The following DPP8 variants were observed in gnomAD, a reference collection of about 807,000 sequenced individuals.
DPP8 encodes dipeptidyl peptidase 8.
DPP8 carries 31 observed loss-of-function variants against 107.5 expected under a neutral mutation model. The observed-to-expected ratio is 0.29, with a 90% confidence interval of 0.22 to 0.39. The LOEUF is 0.39. Among genes scored for constraint, DPP8 ranks in the 10% least tolerant of loss-of-function variants. The pLI is 1.00. For missense variants in DPP8, 842 were observed against 1,076.1 expected (o/e 0.78, Z 3.04); for synonymous variants, 381 against 356.6 (o/e 1.07, Z -0.77).
chr15:65,486,399 A>C (rs971063694), intron 7 of DPP8, among the ~76,000 whole-genome samples: 5 of 151,728 alleles, frequency 3.3e-5, no homozygotes, highest in Admixed American at 2.6e-4. Flanking sequence ...AAAAAAAAAA[A>C]CAAAAACAAA....
rs1019418432 is a variant in DPP8, at chr15:65,444,316, T to C, written c.*2568A>G. ...GATTTTGAGTTCCACTACTCTGTAA[T>C]GCTCAAGTAACTATCCCTCTGGATG... On this transcript the variant is annotated 3_prime_UTR_variant, in exon 20 of 20. Transcript: ENST00000300141. The C allele has an allele frequency of 6.6e-5, 10 of 152,240 alleles. No individual in the cohort carries two copies. The highest frequency in any genetic ancestry group is 2.6e-4 in the Admixed American group (4 of 15,280). The allele number at this position is 152,240 out of a possible 1,614,324, so 9.4% of individuals were successfully genotyped here. A position where few individuals can be genotyped will look rare whatever the true frequency, so the allele number is the denominator to read the frequency against.
intron 2 of DPP8, among the ~76,000 whole-genome samples, chr15:65,509,487 A>G (rs1016319166): frequency 6.6e-6 from 1 of 152,098 alleles, no homozygotes; most frequent in Non-Finnish European, 1.5e-5. Context: ...ATTCTTTCCT[A>G]ATGGTATTTA....
chr15:65,453,805 T>C (rs1444839453), intron 17 of DPP8, among the ~76,000 whole-genome samples: 2 of 151,130 alleles, frequency 1.3e-5, no homozygotes, highest in African/African-American at 4.9e-5. Context: ...ACCCTAACAT[T>C]CTACAATATT....
At position 65,490,258 on chromosome 15, in the gene DPP8, C is replaced by T. The variant is rs139380256; in HGVS notation, c.757G>A (p.Ala253Thr). Reference protein sequence around the residue: ...MEEDARSAGVATFVLQEEFDR... With the variant: ...MEEDARSAGVTTFVLQEEFDR... ...AATTCTTCTTGGAGAACAAAGGTAGCGACTCCAGCTGATCTGGCATCTTCT... is the reference window on the plus strand; with the variant it reads ...AATTCTTCTTGGAGAACAAAGGTAGTGACTCCAGCTGATCTGGCATCTTCT... Residue 253 changes from alanine to threonine, a missense_variant, in exon 6 of 20, where the codon GCT (alanine) becomes ACT (threonine). By Grantham distance (58) the Ala-to-Thr change is moderately conservative. This residue lies in a region of DPP8 where 663 missense variants were observed against 758.0 expected (regional missense o/e 0.87). Transcript: ENST00000300141. 252 of 1,613,686 alleles carry T rather than the reference C, an allele frequency of 1.6e-4. 2 individuals carry two copies. In the South Asian group the frequency reaches 1.9e-3, roughly 12 times the overall value.
intron 19 of DPP8, 109 bp from the exon 20 acceptor site, chr15:65,447,115 G>A: frequency 1.3e-6 from 1 of 745,006 alleles, no homozygotes; most frequent in South Asian, 2.0e-5. Flanking sequence ...ACGAAGCACA[G>A]CCTCTATGCA....
intron 12 of DPP8, among the ~76,000 whole-genome samples, chr15:65,471,513 ATTT>A (rs35149810): frequency 1.6e-5 from 2 of 125,254 alleles, no homozygotes. Flanking sequence ...TAACCAGCCT[ATTT>A]TTTTTTTTTT....
chr15:65,506,139 A>G (rs352482), intron 3 of DPP8, among the ~76,000 whole-genome samples: 142,462 of 152,096 alleles, frequency 0.94, 66,734 homozygotes, highest in Admixed American at 0.96. Flanking sequence ...AGACCATCCT[A>G]GCTAACACGG....
intron 7 of DPP8, among the ~76,000 whole-genome samples, chr15:65,487,276 A>C (rs1300205099): frequency 6.6e-6 from 1 of 152,050 alleles, no homozygotes; most frequent in African/African-American, 2.4e-5. Context: ...CAGCCTCCCA[A>C]GTAGCTGGGA....
At position 65,505,441 on chromosome 15, in the gene DPP8, A is replaced by G. The variant is rs145331214; in HGVS notation, c.372+1802T>C. 6.1e-3 allele frequency among the ~76,000 whole-genome samples: 921 copies of G among 152,146 alleles called. 7 individuals are homozygous for G. Among genetic ancestry groups the G allele is most frequent in the African/African-American group, 0.021 (884 of 41,512 alleles). On this transcript the variant is annotated intron_variant, in intron 3 of 19. Transcript: ENST00000300141. Reference sequence around the variant, plus strand: ...GCTACAATCAACACTGATGCCTAAGATTTAATCCTTGTTGAAAATATTTCA... The same window carrying G: ...GCTACAATCAACACTGATGCCTAAGGTTTAATCCTTGTTGAAAATATTTCA...
At chr15:65,486,782 G>A (rs912684912) in intron 7 of DPP8, among the ~76,000 whole-genome samples, 1 of 152,284 alleles carries the variant, frequency 6.6e-6, no homozygotes, top group African/African-American at 2.4e-5. Context: ...GCTAAGCTAT[G>A]AGGACACAAA....
chr15:65,516,451 G>C (rs2071448420), intron 1 of DPP8: 2 of 151,394 alleles, frequency 1.3e-5, no homozygotes, highest in South Asian at 4.1e-4. Context: ...AAAAAAGGAA[G>C]GTCTGCTATT....
chr15:65,515,950 A>G, intron 1 of DPP8: 1 of 480,488 alleles, frequency 2.1e-6, no homozygotes, highest in Non-Finnish European at 3.6e-6. Context: ...TCTGCGTTTT[A>G]TGTTATCAGA....
At chr15:65,477,896 A>G (rs1211394585) in intron 11 of DPP8, among the ~76,000 whole-genome samples, 1 of 152,176 alleles carries the variant, frequency 6.6e-6, no homozygotes, top group Non-Finnish European at 1.5e-5. Flanking sequence ...AGTTAAGCAT[A>G]CAACATAACT....
intron 2 of DPP8, among the ~76,000 whole-genome samples, chr15:65,508,148 G>T (rs1018945319): frequency 6.6e-6 from 1 of 152,036 alleles, no homozygotes; most frequent in African/African-American, 2.4e-5. Flanking sequence ...GCTGAGGCAG[G>T]AGAATTGCTT....
intron 16 of DPP8, among the ~76,000 whole-genome samples, 172 bp from the exon 17 acceptor site, chr15:65,454,587 C>T (rs1246193213): frequency 1.3e-5 from 2 of 152,146 alleles, no homozygotes; most frequent in African/African-American, 2.4e-5. Context: ...AGTGCAATGA[C>T]GCAGTCTCGG....
At chr15:65,477,599 G>C (rs534004190) in intron 11 of DPP8, among the ~76,000 whole-genome samples, 2 of 146,760 alleles carry the variant, frequency 1.4e-5, no homozygotes, top group Non-Finnish European at 3.0e-5. Flanking sequence ...GCGCGATCTC[G>C]GCTCACTGCA....
chr15:65,515,678 A>G, intron 1 of DPP8: 1 of 1,614,024 alleles, frequency 6.2e-7, no homozygotes, highest in Non-Finnish European at 8.5e-7. Flanking sequence ...TCATCTGCTC[A>G]GATCTCTTCC....
At chr15:65,453,010 A>G (rs2064107784) in intron 17 of DPP8, among the ~76,000 whole-genome samples, 1 of 152,164 alleles carries the variant, frequency 6.6e-6, no homozygotes, top group Non-Finnish European at 1.5e-5. Context: ...ATTACTTTTC[A>G]CTGTAAAGTA....
chr15:65,474,755 C>T (rs1319718639), intron 11 of DPP8, among the ~76,000 whole-genome samples: 3 of 152,182 alleles, frequency 2.0e-5, no homozygotes, highest in Non-Finnish European at 4.4e-5. Context: ...AGGCATGGGC[C>T]TGAATTGTTT....
Sources: gnomAD v4.1 joint callset for allele counts (sites outside exome capture counted in the v4.1 genomes callset) on GRCh38, gnomAD v4.1.1 for gene constraint, gnomAD v4.1.1 regional missense constraint, MANE v1.5 for transcripts, NCBI Gene and HGNC (gene_info 2026-07-23, HGNC 2026-07-21) for gene names.